Variants in NTM observed in about 807,000 individuals in gnomAD.
NTM encodes IgLON family member 2.
NTM carries 13 observed loss-of-function variants against 42.1 expected under a neutral mutation model. The ratio of observed to expected loss-of-function variants is 0.31; its 90% confidence interval spans 0.20 to 0.49. The LOEUF is 0.49. Among genes scored for constraint, NTM ranks in the 20% least tolerant of loss-of-function variants. The probability of loss-of-function intolerance (pLI) is 0.99; values close to 1 mark genes in which losing one functional copy is unlikely to be tolerated. For synonymous variants in NTM, 187 were observed against 179.2 expected, an observed-to-expected ratio of 1.04 and a Z score of -0.35; for missense variants, 373 against 452.8, an observed-to-expected ratio of 0.82 and a Z score of 1.60.
chr11:131,740,101 C>T (rs1306099012), intron 1 of NTM, among the ~76,000 whole-genome samples: 2 of 152,160 alleles, frequency 1.3e-5, no homozygotes, highest in Admixed American at 6.5e-5. Flanking sequence ...TTCTTATTTA[C>T]AATACTGGGA....
chr11:132,009,261 G>A (rs149265748), intron 2 of NTM, among the ~76,000 whole-genome samples: 69 of 152,274 alleles, frequency 4.5e-4, no homozygotes, highest in African/African-American at 1.5e-3. Context: ...TGCCACCCAG[G>A]GAAGTGTCCT....
chr11:131,661,860 G>A (rs187372367), intron 1 of NTM, among the ~76,000 whole-genome samples: 8 of 152,198 alleles, frequency 5.3e-5, no homozygotes, highest in Admixed American at 2.0e-4. Context: ...AGAGAGAAAC[G>A]TAAAACATTC....
chr11:132,148,377 T>C (rs2137375415), intron 3 of NTM, among the ~76,000 whole-genome samples: 1 of 152,240 alleles, frequency 6.6e-6, no homozygotes, highest in South Asian at 2.1e-4. Flanking sequence ...GGCTGGTGAA[T>C]GCCCTGGTGC....
At chr11:131,938,344 G>T (rs996566719) in intron 2 of NTM, among the ~76,000 whole-genome samples, 1 of 152,214 alleles carries the variant, frequency 6.6e-6, no homozygotes, top group African/African-American at 2.4e-5. Context: ...CTGAGAGGAA[G>T]CACAGAATTC....
intron 3 of NTM, among the ~76,000 whole-genome samples, chr11:132,189,626 C>G (rs1231310773): frequency 6.8e-6 from 1 of 148,018 alleles, no homozygotes; most frequent in African/African-American, 2.5e-5. Flanking sequence ...GCCTTGCCCA[C>G]TGATTCACGG....
intron 1 of NTM, among the ~76,000 whole-genome samples, chr11:131,671,801 C>G (rs1162130745): frequency 6.6e-6 from 1 of 152,202 alleles, no homozygotes; most frequent in Non-Finnish European, 1.5e-5. Flanking sequence ...AGAGTAATGA[C>G]CTGGACGCTG....
intron 4 of NTM, among the ~76,000 whole-genome samples, chr11:132,236,489 A>C (rs2088932494): frequency 1.3e-5 from 2 of 152,172 alleles, no homozygotes; most frequent in Admixed American, 1.3e-4. Flanking sequence ...TACACCTCTA[A>C]AAGTGGGACG....
chr11:131,377,268 G>A (rs1591500619), intron 1 of NTM, among the ~76,000 whole-genome samples: 1 of 152,158 alleles, frequency 6.6e-6, no homozygotes, highest in Non-Finnish European at 1.5e-5. Context: ...GGTGTATATA[G>A]GATGGGGAAT....
intron 1 of NTM, among the ~76,000 whole-genome samples, chr11:131,475,713 A>C (rs745895125): frequency 3.3e-5 from 5 of 152,224 alleles, no homozygotes; most frequent in Non-Finnish European, 7.3e-5. Context: ...AAAGGAAAAA[A>C]CTGCCAAAGA....
At chr11:131,387,024 C>T (rs1943403680) in intron 1 of NTM, among the ~76,000 whole-genome samples, 1 of 152,186 alleles carries the variant, frequency 6.6e-6, no homozygotes, top group African/African-American at 2.4e-5. Context: ...TTAATCTCCA[C>T]ATCAATCAGA....
rs1199138553 is a variant in NTM, at chr11:132,330,169, C to A, written c.951C>A (p.Ala317=). 1 of 1,551,614 alleles carries A rather than the reference C, an allele frequency of 6.4e-7. No individual in the cohort carries two copies. The highest frequency in any genetic ancestry group is 8.7e-7 in the Non-Finnish European group (1 of 1,146,974). The change falls in exon 8 of 9, where the codon GCC becomes GCA. Residue 317 remains alanine (A), a synonymous_variant. Coordinates refer to ENST00000683400, the MANE Select transcript of NTM (RefSeq NM_001352005.2). ...SIMLFEVKTT[A]LTPWKGPGAV... ...TTCTTTTAGAAGTGAAAACTACAGCCCTGACCCCTTGGAAAGGTTTGTATA... is the reference window on the plus strand; with the variant it reads ...TTCTTTTAGAAGTGAAAACTACAGCACTGACCCCTTGGAAAGGTTTGTATA...
At chr11:132,280,915 GCAGT>G (rs2093952240) in intron 4 of NTM, among the ~76,000 whole-genome samples, 1 of 152,176 alleles carries the variant, frequency 6.6e-6, no homozygotes, top group Non-Finnish European at 1.5e-5. Context: ...TGCCCACAGG[GCAGT>G]CATTGGCTAA....
At chr11:131,568,575 C>T (rs2057125517) in intron 1 of NTM, among the ~76,000 whole-genome samples, 1 of 152,158 alleles carries the variant, frequency 6.6e-6, no homozygotes, top group South Asian at 2.1e-4. Flanking sequence ...GGGTAGTCTT[C>T]CCCCAACACA....
At chr11:131,598,762 CTTTT>C (rs1212590972) in intron 1 of NTM, among the ~76,000 whole-genome samples, 2,357 of 36,650 alleles carry the variant, frequency 0.064, 844 homozygotes, top group Middle Eastern at 0.11. Flanking sequence ...TTTCTTCTTT[CTTTT>C]TTTCTTTCTT....
intron 2 of NTM, among the ~76,000 whole-genome samples, chr11:132,115,759 C>T (rs1471344052): frequency 1.3e-5 from 2 of 152,158 alleles, no homozygotes; most frequent in South Asian, 2.1e-4. Flanking sequence ...GATGATGTTG[C>T]GTTCCTCTCC....
At chr11:132,334,894 T>C (rs2095858885) in intron 8 of NTM, 152 bp from the exon 9 acceptor site, 39 of 1,320,504 alleles carry the variant, frequency 3.0e-5, no homozygotes, top group Non-Finnish European at 3.6e-5. Context: ...CCATAGAACG[T>C]TCACTTCTAA....
At chr11:131,647,892 A>G (rs1449929188) in intron 1 of NTM, among the ~76,000 whole-genome samples, 2 of 152,176 alleles carry the variant, frequency 1.3e-5, no homozygotes, top group African/African-American at 2.4e-5. Flanking sequence ...GTACATGTGC[A>G]GGTTTGTTAA....
chr11:132,208,410 G>A (rs548818647), intron 3 of NTM, among the ~76,000 whole-genome samples: 1 of 152,268 alleles, frequency 6.6e-6, no homozygotes, highest in African/African-American at 2.4e-5. Flanking sequence ...ACTCACCCAA[G>A]GGCAATTTGC....
chr11:131,697,153 G>A (rs972254099), intron 1 of NTM, among the ~76,000 whole-genome samples: 2 of 152,170 alleles, frequency 1.3e-5, no homozygotes, highest in African/African-American at 4.8e-5. Context: ...TCAAGATAAG[G>A]ACACAAGGTA....
Sources: allele counts gnomAD v4.1 joint callset (sites outside exome capture counted in the v4.1 genomes callset), GRCh38; gene constraint gnomAD v4.1.1; transcripts MANE v1.5; gene names NCBI Gene and HGNC (gene_info 2026-07-23, HGNC 2026-07-21).